The following TNRC6B variants were observed in gnomAD, a reference collection of about 807,000 sequenced individuals.
TNRC6B encodes the protein trinucleotide repeat-containing gene 6B protein.
A neutral mutation model predicts 203.6 loss-of-function variants in TNRC6B; 52 were observed. The observed-to-expected ratio is 0.26, with a 90% CI of 0.20 to 0.32. TNRC6B has a LOEUF of 0.32. Among genes scored for constraint, TNRC6B ranks in the 10% least tolerant of loss-of-function variants. The pLI is 1.00. For synonymous variants in TNRC6B, 838 were observed against 845.7 expected (o/e 0.99, Z 0.16); for missense variants, 1,923 against 2,286.2 (o/e 0.84, Z 3.24).
intron 1 of TNRC6B, among the ~76,000 whole-genome samples, chr22:40,229,502 A>G (rs190580548): frequency 6.8e-6 from 1 of 148,118 alleles, no homozygotes; most frequent in East Asian, 2.0e-4. Flanking sequence ...TTGAGGTATT[A>G]TTGACATTTA....
chr22:40,253,770 C>T (rs1197890379), intron 3 of TNRC6B: 1 of 454,808 alleles, frequency 2.2e-6, no homozygotes, highest in Non-Finnish European at 4.4e-6. Context: ...GGTTTACAGC[C>T]ACATCTTCAT....
chr22:40,196,315 A>AT, intron 1 of TNRC6B, among the ~76,000 whole-genome samples: 1 of 150,622 alleles, frequency 6.6e-6, no homozygotes, highest in African/African-American at 2.4e-5. Context: ...TGCCTGGCTA[A>AT]TTTTTTTGTA....
intron 1 of TNRC6B, among the ~76,000 whole-genome samples, chr22:40,226,942 C>T (rs2069794029): frequency 1.3e-5 from 2 of 151,198 alleles, no homozygotes; most frequent in East Asian, 1.9e-4. Flanking sequence ...CAGAGTCTTA[C>T]TCTATCACCT....
chr22:40,176,688 A>G (rs576391462), upstream of TNRC6B, among the ~76,000 whole-genome samples: 5 of 152,336 alleles, frequency 3.3e-5, no homozygotes, highest in South Asian at 2.1e-4. Flanking sequence ...TACAGTTTAC[A>G]GTCTCCTGGG....
intron 3 of TNRC6B, among the ~76,000 whole-genome samples, chr22:40,257,382 A>G (rs770679104): frequency 8.1e-4 from 123 of 152,296 alleles, no homozygotes; most frequent in Non-Finnish European, 1.5e-3. Flanking sequence ...GAGGAAGGGG[A>G]GGAGATTCAA....
At position 40,046,613 on chromosome 22, in the gene TNRC6B, ATTT is replaced by A. The variant is rs11300855; in HGVS notation, c.-121+1630_-121+1632del. 2.2e-3 allele frequency among the ~76,000 whole-genome samples: 273 copies of A among 122,414 alleles called. 3 individuals are homozygous for A. Among genetic ancestry groups the A allele is most frequent in the Middle Eastern group, 0.018 (4 of 228 alleles). 80.3% of individuals were successfully genotyped at this position (122,414 alleles called of 152,430 possible). A position where few individuals can be genotyped will look rare whatever the true frequency, so the allele number is the denominator to read the frequency against. ...CCCTCATTCAAATGGAAGCACTTAA[ATTT>A]TTTTTTTTTTTTTTGAGACAGAGTC... On this transcript the variant is annotated intron_variant, in intron 1 of 23. Transcript: ENST00000301923.
intron 3 of TNRC6B, among the ~76,000 whole-genome samples, chr22:40,130,726 T>C (rs1424854073): frequency 8.2e-6 from 1 of 121,282 alleles, no homozygotes; most frequent in African/African-American, 3.4e-5. Context: ...GAGCTTGCAG[T>C]GAGCCAAGAT....
intron 16 of TNRC6B, among the ~76,000 whole-genome samples, chr22:40,309,470 C>T (rs1241849756): frequency 1.3e-5 from 2 of 152,182 alleles, no homozygotes; most frequent in Non-Finnish European, 2.9e-5. Context: ...GTGAAATGCC[C>T]ACGTGGAGCT....
chr22:40,113,222 G>C (rs1337505212), intron 1 of TNRC6B, among the ~76,000 whole-genome samples: 1 of 152,224 alleles, frequency 6.6e-6, no homozygotes, highest in African/African-American at 2.4e-5. Context: ...TATTTTTACA[G>C]AACTTCCAAA....
intron 15 of TNRC6B, among the ~76,000 whole-genome samples, chr22:40,306,016 G>C (rs959139589): frequency 1.3e-5 from 2 of 152,076 alleles, no homozygotes; most frequent in African/African-American, 4.8e-5. Flanking sequence ...TCACTGGCTG[G>C]GCGCGGTGGC....
At chr22:40,098,151 T>C (rs2068200125) in intron 1 of TNRC6B, among the ~76,000 whole-genome samples, 1 of 151,922 alleles carries the variant, frequency 6.6e-6, no homozygotes, top group Admixed American at 6.6e-5. Context: ...TTTGGGAGGC[T>C]GAGATGGGCT....
chr22:40,261,957 C>A lies in TNRC6B; in HGVS notation c.241C>A (p.Pro81Thr), dbSNP rs753640421. Residue 81 changes from proline (P) to threonine (T), a missense_variant, in exon 4 of 23, where the codon CCA (proline) becomes ACA (threonine). Pro to Thr is a conservative substitution (Grantham distance 38, BLOSUM62 -1). Coordinates refer to ENST00000454349, the MANE Select transcript of TNRC6B (RefSeq NM_001162501.2). ...KRVAVPNGQP[P>T]SAARYMPREV... ...GGTGGCAGTGCCGAACGGACAACCG[C>A]CAAGCGCCGCCCGCTACATGCCTCG... is the stretch of plus-strand genomic sequence containing the variant. 1.4e-5 allele frequency: 23 copies of A among 1,612,670 alleles called. No homozygotes were observed. In the African/African-American group the frequency reaches 2.7e-4, roughly 19 times the overall value.
rs192756722 is a variant in TNRC6B at position 40,149,631 on chromosome 22, T to G, written c.46-6484T>G. On this transcript the variant is annotated intron_variant, in intron 3 of 23. Transcript: ENST00000301923. ...GTTGCAGTGAGCCGAGATCGCGCCATTGCACTACAGCCTGGCAACAGAGCG... is the reference window on the plus strand; with the variant it reads ...GTTGCAGTGAGCCGAGATCGCGCCAGTGCACTACAGCCTGGCAACAGAGCG... 2.1e-3 allele frequency among the ~76,000 whole-genome samples: 298 copies of G among 142,610 alleles called. 1 individual carries two copies. Among genetic ancestry groups the G allele is most frequent in the African/African-American group, 7.9e-3 (292 of 37,078 alleles). 93.6% of individuals were successfully genotyped at this position (142,610 alleles called of 152,430 possible).
At chr22:40,292,822 T>C (rs1212359732) in intron 12 of TNRC6B, among the ~76,000 whole-genome samples, 3 of 152,242 alleles carry the variant, frequency 2.0e-5, no homozygotes, top group African/African-American at 7.2e-5. Context: ...AATTACACTT[T>C]TATTGTCTCT....
chr22:40,155,553 C>T (rs898667744), intron 3 of TNRC6B, among the ~76,000 whole-genome samples: 1 of 152,036 alleles, frequency 6.6e-6, no homozygotes, highest in Admixed American at 6.5e-5. Context: ...TCCCAAAGTG[C>T]TGGGATTACA....
In TNRC6B at chr22:40,162,972, A is replaced by G. The variant is rs112989899; in HGVS notation, c.113+6790A>G. Among the ~76,000 whole-genome samples, 745 of 152,342 alleles carry G rather than the reference A, an allele frequency of 4.9e-3. 2 individuals carry two copies. Among genetic ancestry groups the G allele is most frequent in the Admixed American group, 7.6e-3 (116 of 15,298 alleles). On this transcript the variant is annotated intron_variant, in intron 4 of 23. Transcript: ENST00000301923. ...ATCTTTGGGGAACTTTCAGTTGCTA[A>G]TAAATTTTGTAATTTGCATTGACAT...
intron 1 of TNRC6B, among the ~76,000 whole-genome samples, chr22:40,185,507 T>A (rs1488011232): frequency 1.3e-5 from 2 of 152,168 alleles, no homozygotes; most frequent in African/African-American, 4.8e-5. Flanking sequence ...AGAGAAAGCT[T>A]TGTTGAGGAC....
intron 8 of TNRC6B, among the ~76,000 whole-genome samples, chr22:40,277,561 G>A (rs185959428): frequency 1.6e-4 from 25 of 152,212 alleles, no homozygotes; most frequent in South Asian, 4.1e-4. Context: ...TTTATCTCTC[G>A]GCAACGTTGT....
At chr22:40,269,998 T>A in intron 5 of TNRC6B, 124 bp from the exon 6 acceptor site, 1 of 959,752 alleles carries the variant, frequency 1.0e-6, no homozygotes, top group Non-Finnish European at 1.5e-6. Flanking sequence ...CACATGAAAG[T>A]TGAATCTATT....
Sources: gnomAD v4.1 joint callset for allele counts (sites outside exome capture counted in the v4.1 genomes callset) on GRCh38, gnomAD v4.1.1 for gene constraint, MANE v1.5 for transcripts, NCBI Gene and HGNC (gene_info 2026-07-23, HGNC 2026-07-21) for gene names.